POGZ: variants seen among roughly 807,000 people sequenced by gnomAD.
The protein encoded by POGZ is pogo transposable element with ZNF domain.
In POGZ, 17 loss-of-function variants were observed where a neutral mutation model predicts 134.6. That is an observed-to-expected ratio of 0.13 (90% CI 0.09 to 0.19). POGZ has a LOEUF of 0.19. Among genes scored for constraint, POGZ ranks in the 10% least tolerant of loss-of-function variants. The pLI, the probability that POGZ is intolerant of heterozygous loss-of-function variation, is 1.00. For synonymous variants in POGZ, 693 were observed against 657.1 expected (o/e 1.05, Z -0.84); for missense variants, 1,306 against 1,769.7 (o/e 0.74, Z 4.70).
chr1:151,414,392 T>C (rs770140358), intron 10 of POGZ, among the ~76,000 whole-genome samples: 4 of 152,250 alleles, frequency 2.6e-5, no homozygotes, highest in Non-Finnish European at 4.4e-5. Flanking sequence ...CTTTCTCCTA[T>C]AACCTATTTA....
chr1:151,414,409 C>T (rs535030213), intron 10 of POGZ, among the ~76,000 whole-genome samples: 3,158 of 152,328 alleles, frequency 0.021, 101 homozygotes, highest in African/African-American at 0.072. Context: ...TTTATCAGCT[C>T]TATTTTCACA....
In POGZ at chr1:151,404,753, CCCTCA is replaced by C; in HGVS notation, c.*44_*48del. ...CCTTTTCCCTAAGCCCCTTTACCCT[CCCTCA>C]CATGTTCCCACCCTCACTCCACACC... On this transcript the variant is annotated 3_prime_UTR_variant, in exon 19 of 19. Coordinates refer to ENST00000271715, the MANE Select transcript of POGZ (RefSeq NM_015100.4). The C allele has an allele frequency of 1.3e-6, 2 of 1,533,600 alleles. No homozygotes were observed. The highest frequency in any genetic ancestry group is 1.3e-5 in the South Asian group (1 of 77,516). The allele number at this position is 1,533,600 out of a possible 1,614,324, so 95.0% of individuals were successfully genotyped here. A position where few individuals can be genotyped will look rare whatever the true frequency, so the allele number is the denominator to read the frequency against.
chr1:151,429,567 C>T, intron 5 of POGZ, 36 bp downstream of exon 5: 1 of 1,035,228 alleles, frequency 9.7e-7, no homozygotes. Flanking sequence ...CTTCTGGATG[C>T]CAGTTTATTC....
rs1022707523 is a variant in POGZ, at chr1:151,459,251, G to C, written c.-101C>G. ...CCAGAAGGGGGTGGGAGCAGGGGGA[G>C]GGGACGGGGGCTTGGGGGGAGACGA... is the stretch of plus-strand genomic sequence containing the variant. On this transcript the variant is annotated 5_prime_UTR_variant, in exon 1 of 19. Transcript: ENST00000271715. 3 of 152,092 alleles carry C rather than the reference G, an allele frequency of 2.0e-5. No individual in the cohort carries two copies. Among genetic ancestry groups the C allele is most frequent in the Non-Finnish European group, 4.4e-5 (3 of 68,008 alleles). 9.4% of individuals were successfully genotyped at this position (152,092 alleles called of 1,614,324 possible).
intron 2 of POGZ, 46 bp downstream of exon 2, chr1:151,442,035 A>G: frequency 1.4e-6 from 2 of 1,415,626 alleles, no homozygotes; most frequent in Non-Finnish European, 9.9e-7. Flanking sequence ...AATACCATTC[A>G]ATTTAATTAA....
chr1:151,447,349 A>G (rs1189438149), intron 1 of POGZ, among the ~76,000 whole-genome samples: 6 of 151,336 alleles, frequency 4.0e-5, no homozygotes, highest in Admixed American at 2.6e-4. Flanking sequence ...TCCAGCTTGG[A>G]CAACAGAGCA....
At chr1:151,438,206 A>G (rs1659942447) in intron 3 of POGZ, among the ~76,000 whole-genome samples, 1 of 151,964 alleles carries the variant, frequency 6.6e-6, no homozygotes, top group Admixed American at 6.6e-5. Context: ...GGGAGACTCC[A>G]TCTCAAAAAA....
chr1:151,425,547 A>G (rs971062007), intron 7 of POGZ, among the ~76,000 whole-genome samples: 1 of 152,030 alleles, frequency 6.6e-6, no homozygotes, highest in African/African-American at 2.4e-5. Context: ...CCACAATTCA[A>G]CTTTGTCTCT....
chr1:151,458,319 G>A (rs76814960), intron 1 of POGZ, among the ~76,000 whole-genome samples: 1 of 152,188 alleles, frequency 6.6e-6, no homozygotes, highest in East Asian at 1.9e-4. Context: ...CACCGCGGCA[G>A]GACATAATCA....
intron 1 of POGZ, among the ~76,000 whole-genome samples, chr1:151,448,820 G>A (rs1373579013): frequency 6.6e-6 from 1 of 152,074 alleles, no homozygotes; most frequent in Non-Finnish European, 1.5e-5. Flanking sequence ...AGCTGTGATC[G>A]AGCCACTGCA....
intron 10 of POGZ, among the ~76,000 whole-genome samples, chr1:151,419,066 A>C (rs1008222357): frequency 6.8e-6 from 1 of 147,576 alleles, no homozygotes; most frequent in Non-Finnish European, 1.5e-5. Flanking sequence ...AAAAAAAGTT[A>C]CTTTCGACCG....
intron 10 of POGZ, among the ~76,000 whole-genome samples, chr1:151,418,269 A>C (rs1326246642): frequency 2.0e-5 from 3 of 152,214 alleles, no homozygotes; most frequent in African/African-American, 4.8e-5. Flanking sequence ...AGCCACAAAA[A>C]AGAATGAAAT....
chr1:151,425,315 T>G, intron 7 of POGZ: 1 of 339,462 alleles, frequency 2.9e-6, no homozygotes, highest in South Asian at 3.0e-5. Flanking sequence ...ATCACTATGT[T>G]TGAGGCTTCC....
At chr1:151,427,780 T>C (rs763390937) in intron 7 of POGZ, 43 bp downstream of exon 7, 1 of 1,282,352 alleles carries the variant, frequency 7.8e-7, no homozygotes, top group South Asian at 1.2e-5. Flanking sequence ...TTTATTAATG[T>C]TTTTGAATGA....
intron 10 of POGZ, among the ~76,000 whole-genome samples, chr1:151,420,804 A>G (rs1365190766): frequency 6.6e-6 from 1 of 152,120 alleles, no homozygotes; most frequent in Admixed American, 6.6e-5. Context: ...TTAATTTTAA[A>G]TTTTGAGTTC....
At chr1:151,425,252 A>G (rs1657574070) in intron 7 of POGZ, 191 bp from the exon 8 acceptor site, 1 of 442,542 alleles carries the variant, frequency 2.3e-6, no homozygotes, top group Non-Finnish European at 4.3e-6. Context: ...CCCAGGCTGG[A>G]GTGCAGTGGC....
At chr1:151,426,049 A>C (rs1657712703) in intron 7 of POGZ, 1 of 152,180 alleles carries the variant, frequency 6.6e-6, no homozygotes, top group African/African-American at 2.4e-5. Flanking sequence ...AGCCATCCTA[A>C]TGGGAGTGAG....
chr1:151,404,112 T>G lies in POGZ; in HGVS notation c.*690A>C. On this transcript the variant is annotated 3_prime_UTR_variant, in exon 19 of 19. Coordinates refer to ENST00000271715, the MANE Select transcript of POGZ (RefSeq NM_015100.4). Reference sequence around the variant, plus strand: ...TTCTGGATAATTAAAGGTGGTTTCATGCATTTTTAAAGCCACAATTTTATA... The same window carrying G: ...TTCTGGATAATTAAAGGTGGTTTCAGGCATTTTTAAAGCCACAATTTTATA... The G allele has an allele frequency of 2.0e-6, 2 of 985,512 alleles. No homozygotes were observed. Among genetic ancestry groups the G allele is most frequent in the Non-Finnish European group, 2.4e-6 (2 of 829,812 alleles). 61.0% of individuals were successfully genotyped at this position (985,512 alleles called of 1,614,324 possible). A position where few individuals can be genotyped will look rare whatever the true frequency, so the allele number is the denominator to read the frequency against.
In POGZ at chr1:151,406,311, G is replaced by C. The variant is rs751853197; in HGVS notation, c.2724C>G (p.Leu908=). The stretch of plus-strand genomic sequence containing the variant: ...GGGTTGCAGTTGAGGCTGGTGATGG[G>C]AGTGCTGGGGCTAAGGGAGTTAGTA... ...EELLTPLAPA[L]PSPASTATPP... The change falls in exon 19 of 19, where the codon CTC becomes CTG. Residue 908 remains leucine, a synonymous_variant. Coordinates refer to ENST00000271715, the MANE Select transcript of POGZ (RefSeq NM_015100.4). 1 of 1,610,558 alleles carries C rather than the reference G, an allele frequency of 6.2e-7. No individual in the cohort carries two copies. Among genetic ancestry groups the C allele is most frequent in the South Asian group, 1.1e-5 (1 of 90,462 alleles).
Sources: allele counts gnomAD v4.1 joint callset (sites outside exome capture counted in the v4.1 genomes callset), GRCh38; gene constraint gnomAD v4.1.1; transcripts MANE v1.5; gene names NCBI Gene and HGNC (gene_info 2026-07-23, HGNC 2026-07-21).